SOBP: variants seen among roughly 807,000 people sequenced by gnomAD.
The protein encoded by SOBP is sine oculis binding protein homolog.
In SOBP, 4 loss-of-function variants were observed where a neutral mutation model predicts 53.6. The observed-to-expected ratio is 0.07, with a 90% CI of 0.04 to 0.17. The LOEUF (loss-of-function observed/expected upper bound fraction) is 0.17, where lower values mean the gene tolerates loss of function less well. Among genes scored for constraint, SOBP ranks in the 10% least tolerant of loss-of-function variants. The probability of loss-of-function intolerance (pLI) is 1.00; values close to 1 mark genes in which losing one functional copy is unlikely to be tolerated. For synonymous variants in SOBP, 584 were observed against 522.6 expected (o/e 1.12, Z -1.60); for missense variants, 1,088 against 1,204.7 (o/e 0.90, Z 1.43).
At chr6:107,541,210 C>A (rs774887613) in intron 4 of SOBP, among the ~76,000 whole-genome samples, 3 of 152,136 alleles carry the variant, frequency 2.0e-5, no homozygotes, top group Non-Finnish European at 4.4e-5. Context: ...CTGCTTAATT[C>A]ATCTTCGAAT....
chr6:107,581,234 G>A (rs577109936), intron 4 of SOBP, among the ~76,000 whole-genome samples: 1 of 152,298 alleles, frequency 6.6e-6, no homozygotes, highest in African/African-American at 2.4e-5. Flanking sequence ...AGGACCAGGA[G>A]GAAGAGTCAC....
chr6:107,567,028 T>A (rs2115032943), intron 4 of SOBP, among the ~76,000 whole-genome samples: 1 of 152,354 alleles, frequency 6.6e-6, no homozygotes, highest in South Asian at 2.1e-4. Flanking sequence ...AGTGTAACAT[T>A]GAAGTCCATT....
intron 5 of SOBP, among the ~76,000 whole-genome samples, chr6:107,591,977 T>TG (rs11417885): frequency 0.023 from 2,168 of 95,564 alleles, 70 homozygotes; most frequent in African/African-American, 0.07. Flanking sequence ...TGTTTTTTTT[T>TG]TTTTTTTTTT....
At chr6:107,621,176 G>A in intron 5 of SOBP, 1 of 756,038 alleles carries the variant, frequency 1.3e-6, no homozygotes, top group Non-Finnish European at 1.6e-6. Flanking sequence ...TAACAGGTGT[G>A]TTTAAATATA....
chr6:107,573,707 T>C (rs1483900939), intron 4 of SOBP, among the ~76,000 whole-genome samples: 1 of 152,228 alleles, frequency 6.6e-6, no homozygotes, highest in Non-Finnish European at 1.5e-5. Context: ...GCTTTTTACT[T>C]CCTTAAAATT....
rs529311354 is a variant in SOBP, at chr6:107,517,100, C to T, written c.421+10673C>T. Among the ~76,000 whole-genome samples the T allele has an allele frequency of 5.3e-5, 8 of 152,222 alleles. 1 individual carries two copies. In the South Asian group the frequency reaches 1.2e-3, roughly 24 times the overall value. On this transcript the variant is annotated intron_variant, in intron 3 of 6. Coordinates refer to ENST00000317357, the MANE Select transcript of SOBP (RefSeq NM_018013.4). ...AAAATAAAATTGGGAGACTTATACT[C>T]TCAGATATCAAGATTTATTGTAAGG...
chr6:107,538,409 C>G (rs1462413044), intron 4 of SOBP, among the ~76,000 whole-genome samples: 1 of 152,182 alleles, frequency 6.6e-6, no homozygotes, highest in Non-Finnish European at 1.5e-5. Context: ...AAATTACTTG[C>G]AATTAATGTC....
chr6:107,631,093 T>A (rs966271623), intron 5 of SOBP, among the ~76,000 whole-genome samples: 3 of 152,190 alleles, frequency 2.0e-5, no homozygotes, highest in African/African-American at 7.2e-5. Flanking sequence ...TATTTTTTAC[T>A]CCATTTGAAA....
intron 1 of SOBP, among the ~76,000 whole-genome samples, chr6:107,490,917 T>G (rs925861699): frequency 6.6e-6 from 1 of 152,020 alleles, no homozygotes; most frequent in African/African-American, 2.4e-5. Context: ...TCAGATTTGA[T>G]GAGGGGGGAC....
intron 4 of SOBP, among the ~76,000 whole-genome samples, chr6:107,569,730 A>G (rs1257173271): frequency 1.3e-5 from 2 of 152,234 alleles, no homozygotes; most frequent in African/African-American, 4.8e-5. Flanking sequence ...TCTTTCCACC[A>G]TATGTGCAAA....
intron 5 of SOBP, among the ~76,000 whole-genome samples, chr6:107,597,068 G>C (rs1785972387): frequency 6.6e-6 from 1 of 152,124 alleles, no homozygotes; most frequent in Non-Finnish European, 1.5e-5. Context: ...TTTGATATTG[G>C]AGCAGGATGT....
chr6:107,641,212 C>T (rs187051942), intron 6 of SOBP, among the ~76,000 whole-genome samples: 9 of 152,284 alleles, frequency 5.9e-5, no homozygotes, highest in African/African-American at 2.2e-4. Flanking sequence ...GCAATTTCTG[C>T]TGTGGGCCTA....
chr6:107,490,788 T>TG (rs1448878673), intron 1 of SOBP, 76 bp downstream of exon 1: 3 of 1,157,878 alleles, frequency 2.6e-6, no homozygotes, highest in Non-Finnish European at 2.5e-6. Context: ...GGTATGGATC[T>TG]GGGGGGTACC....
At chr6:107,532,276 A>AC (rs1219651857) in intron 3 of SOBP, among the ~76,000 whole-genome samples, 4 of 150,030 alleles carry the variant, frequency 2.7e-5, no homozygotes, top group Admixed American at 1.3e-4. Context: ...CACACACCAC[A>AC]CACACACACA....
intron 1 of SOBP, among the ~76,000 whole-genome samples, chr6:107,500,749 T>C (rs1172106075): frequency 6.6e-6 from 1 of 152,086 alleles, no homozygotes; most frequent in African/African-American, 2.4e-5. Flanking sequence ...ATGGTCTCGA[T>C]CTCCTGACCT....
Position 107,525,621 on chromosome 6 carries a change from C to T in SOBP, c.422-7838C>T, listed in dbSNP as rs12662492. On this transcript the variant is annotated intron_variant, in intron 3 of 6. Coordinates refer to ENST00000317357, the MANE Select transcript of SOBP (RefSeq NM_018013.4). ...ATGAAATTTCAGTGATTTCTGGATT[C>T]GCAACATTTCTACCTTTTGATAATT... Among the ~76,000 whole-genome samples, 963 of 152,272 alleles carry T rather than the reference C, an allele frequency of 6.3e-3. 31 individuals carry two copies. In the East Asian group the frequency reaches 0.089, roughly 14 times the overall value.
Position 107,598,276 on chromosome 6 carries a change from G to A in SOBP, c.669+11101G>A, listed in dbSNP as rs114396644. 5.5e-3 allele frequency among the ~76,000 whole-genome samples: 840 copies of A among 152,286 alleles called. 4 individuals are homozygous for A. Among genetic ancestry groups the A allele is most frequent in the African/African-American group, 0.019 (786 of 41,554 alleles). ...CATGGTGACTAGACAATAGGAATAC[G>A]TATTAAAATATGTATGTGTGCAATA... On this transcript the variant is annotated intron_variant, in intron 5 of 6. Coordinates refer to ENST00000317357, the MANE Select transcript of SOBP (RefSeq NM_018013.4).
At chr6:107,552,251 A>G (rs1316116773) in intron 4 of SOBP, among the ~76,000 whole-genome samples, 1 of 152,196 alleles carries the variant, frequency 6.6e-6, no homozygotes, top group Admixed American at 6.5e-5. Context: ...CTCTTAGCAG[A>G]GTTATATTTA....
At chr6:107,627,893 T>C (rs1770532553) in intron 5 of SOBP, among the ~76,000 whole-genome samples, 1 of 152,192 alleles carries the variant, frequency 6.6e-6, no homozygotes, top group Non-Finnish European at 1.5e-5. Flanking sequence ...CTTGGAATGG[T>C]GAGCTTAGTG....
Sources: gnomAD v4.1 joint callset for allele counts (sites outside exome capture counted in the v4.1 genomes callset) on GRCh38, gnomAD v4.1.1 for gene constraint, MANE v1.5 for transcripts, NCBI Gene and HGNC (gene_info 2026-07-23, HGNC 2026-07-21) for gene names.